Variants in MAP3K11 observed in about 807,000 individuals in gnomAD.
The protein encoded by MAP3K11 is mitogen-activated protein kinase kinase kinase 11, also known as SH3 domain-containing proline-rich kinase.
In MAP3K11, 46 loss-of-function variants were observed where a neutral mutation model predicts 84.9. The ratio of observed to expected loss-of-function variants is 0.54; its 90% CI spans 0.43 to 0.69. The LOEUF is 0.69. Ranked by LOEUF, MAP3K11 falls within the 30% of genes least tolerant of loss-of-function variation. The pLI is 0.00. For synonymous variants in MAP3K11, 527 were observed against 514.7 expected (o/e 1.02, Z -0.32); for missense variants, 1,053 against 1,198.3 (o/e 0.88, Z 1.79).
At chr11:65,605,921 G>A in intron 7 of MAP3K11, 25 bp downstream of exon 7, 1 of 1,608,304 alleles carries the variant, frequency 6.2e-7, no homozygotes, top group Non-Finnish European at 8.5e-7. Context: ...ATGATGCTGG[G>A]TCTGGGGGGC....
At chr11:65,602,028 C>A (rs1854461638) in intron 8 of MAP3K11, among the ~76,000 whole-genome samples, 1 of 150,270 alleles carries the variant, frequency 6.7e-6, no homozygotes, top group Non-Finnish European at 1.5e-5. Flanking sequence ...ATGGTGAAAC[C>A]CTGTCTCTAC....
intron 8 of MAP3K11, among the ~76,000 whole-genome samples, chr11:65,601,041 C>T (rs1854449833): frequency 6.6e-6 from 1 of 152,236 alleles, no homozygotes; most frequent in African/African-American, 2.4e-5. Flanking sequence ...CAGGTCTCTG[C>T]TTAAAAACTA....
chr11:65,603,682 G>T (rs982074317), intron 8 of MAP3K11, among the ~76,000 whole-genome samples: 1 of 152,266 alleles, frequency 6.6e-6, no homozygotes, highest in Non-Finnish European at 1.5e-5. Context: ...CAGATGATGC[G>T]TGGAGTGTGG....
rs1854525088 is a variant in MAP3K11 at position 65,607,491 on chromosome 11, T to C, written c.1268A>G (p.Glu423Gly). 1 of 1,573,584 alleles carries C rather than the reference T, an allele frequency of 6.4e-7. No homozygotes were observed. The highest frequency in any genetic ancestry group is 8.6e-7 in the Non-Finnish European group (1 of 1,168,566). ...KEKELLSREE[E>G]LTRAAREQRS... The stretch of plus-strand genomic sequence containing the variant: ...CTGCTCGCGCGCCGCTCGCGTCAGC[T>C]CCTCCTCGCGGCTCAGTAGTTCCTG... The change falls in exon 5 of 10, where the codon GAG becomes GGG. Residue 423 changes from glutamate to glycine, a missense_variant. Transcript: ENST00000309100.
intron 9 of MAP3K11, 102 bp downstream of exon 9, chr11:65,599,292 T>C: frequency 1.5e-6 from 2 of 1,350,962 alleles, no homozygotes; most frequent in Non-Finnish European, 1.9e-6. Context: ...CTGATGACTG[T>C]GGTCTCGGCC....
At chr11:65,608,123 CCTTA>C in intron 2 of MAP3K11, 53 bp from the exon 3 acceptor site, 1 of 1,602,092 alleles carries the variant, frequency 6.2e-7, no homozygotes, top group South Asian at 1.1e-5. Context: ...ACCCCCACCC[CCTTA>C]CTGCCACTTC....
chr11:65,606,763 C>G lies in MAP3K11; in HGVS notation c.1531G>C (p.Asp511His), dbSNP rs754046278. 6 of 1,607,480 alleles carry G rather than the reference C, an allele frequency of 3.7e-6. No homozygotes were observed. In the Admixed American group the frequency reaches 8.4e-5, roughly 23 times the overall value. ...ACCTCGAAGACGTTTCTCCTCCGGT[C>G]AAGGCCGGGTGAGGCCTGCACGGTG... ...RITVQASPGLDRRRNVFEVGP... is the reference protein window; with the variant it reads ...RITVQASPGLHRRRNVFEVGP... The change falls in exon 6 of 10, where the codon GAC becomes CAC. Residue 511 changes from aspartate (D) to histidine (H), a missense_variant. Coordinates refer to ENST00000309100, the MANE Select transcript of MAP3K11 (RefSeq NM_002419.4).
chr11:65,607,682 C>A lies in MAP3K11; in HGVS notation c.1204G>T (p.Glu402Ter). 1 of 1,613,152 alleles carries A rather than the reference C, an allele frequency of 6.2e-7. No individual in the cohort carries two copies. The highest frequency in any genetic ancestry group is 1.1e-5 in the South Asian group (1 of 91,064). The change falls in exon 4 of 10, where the codon GAG (glutamate) becomes TAG (stop). Residue 402 changes from glutamate (E) to a stop codon, truncating the protein, a stop_gained. Coordinates refer to ENST00000309100, the MANE Select transcript of MAP3K11 (RefSeq NM_002419.4). LOFTEE classifies it high-confidence loss of function. ...FHSMQEGWKR[E>*]IQGLFDELRA... The stretch of plus-strand genomic sequence containing the variant: ...AGCTCGTCGAAGAGACCCTGGATCT[C>A]GCGCTTCCAGCCTTCCTGCATGGAA...
At chr11:65,600,949 C>T (rs1854448835) in intron 8 of MAP3K11, among the ~76,000 whole-genome samples, 2 of 152,230 alleles carry the variant, frequency 1.3e-5, no homozygotes, top group Admixed American at 6.5e-5. Flanking sequence ...GACTCTCTGC[C>T]TCTTACCTCA....
chr11:65,599,362 T>C (rs777793376), intron 9 of MAP3K11, 32 bp downstream of exon 9: 21 of 1,527,578 alleles, frequency 1.4e-5, no homozygotes, highest in Non-Finnish European at 1.7e-5. Context: ...CCGTCTCCCA[T>C]ATGTGAAGCA....
At chr11:65,599,980 GAAGCGGCAGC>G (rs1854438476) in intron 8 of MAP3K11, among the ~76,000 whole-genome samples, 1 of 152,260 alleles carries the variant, frequency 6.6e-6, no homozygotes, top group South Asian at 2.1e-4. Context: ...GCAGGTGGAG[GAAGCGGCAGC>G]AAAGCCCAAT....
At position 65,613,509 on chromosome 11, in the gene MAP3K11, C is replaced by T; in HGVS notation, c.248G>A (p.Trp83Ter). The change falls in exon 1 of 10, where the codon TGG becomes TAG. Residue 83 changes from tryptophan to a stop codon, truncating the protein, a stop_gained. Coordinates refer to ENST00000309100, the MANE Select transcript of MAP3K11 (RefSeq NM_002419.4). LOFTEE classifies it high-confidence loss of function. ...RDAAISGDEG[W>*]WAGQVGGQVG... is the part of the protein sequence containing the mutation. Reference sequence around the variant, plus strand: ...CTGGCCACCCACCTGGCCCGCCCACCAGCCCTCGTCTCCTGAGATGGCTGC... The same window carrying T: ...CTGGCCACCCACCTGGCCCGCCCACTAGCCCTCGTCTCCTGAGATGGCTGC... 1 of 1,610,370 alleles carries T rather than the reference C, an allele frequency of 6.2e-7. No homozygotes were observed. The highest frequency in any genetic ancestry group is 8.5e-7 in the Non-Finnish European group (1 of 1,177,976).
intron 4 of MAP3K11, 58 bp from the exon 5 acceptor site, chr11:65,607,571 C>A (rs1590857040): frequency 6.4e-7 from 1 of 1,551,256 alleles, no homozygotes. Context: ...CGGCAGCGCC[C>A]GCCCCGACTC....
chr11:65,601,980 G>C (rs887048636), intron 8 of MAP3K11, among the ~76,000 whole-genome samples: 9 of 151,746 alleles, frequency 5.9e-5, no homozygotes, highest in Non-Finnish European at 1.0e-4. Flanking sequence ...AAGGTGGGCG[G>C]ATCACGAGGT....
At chr11:65,606,200 G>A (rs1854506177) in intron 6 of MAP3K11, 119 bp from the exon 7 acceptor site, 3 of 1,194,534 alleles carry the variant, frequency 2.5e-6, no homozygotes, top group African/African-American at 1.6e-5. Flanking sequence ...CCATTCCCAG[G>A]GTGAGCTTTG....
chr11:65,608,081 G>A lies in MAP3K11; in HGVS notation c.921-11C>T, dbSNP rs1435427144. ...AGCAGCACCCCAAAACTGTGGGCGA[G>A]ACAACAGGTCTGTGTTCCCTTTTCT... On this transcript the variant is annotated splice_polypyrimidine_tract_variant and intron_variant, in intron 2 of 9. Transcript: ENST00000309100. 1 of 1,613,648 alleles carries A rather than the reference G, an allele frequency of 6.2e-7. No homozygotes were observed. The highest frequency in any genetic ancestry group is 1.7e-5 in the Admixed American group (1 of 60,012).
At chr11:65,606,936 G>C (rs1454688295) in intron 5 of MAP3K11, 132 bp from the exon 6 acceptor site, 6 of 623,598 alleles carry the variant, frequency 9.6e-6, no homozygotes, top group Non-Finnish European at 1.7e-5. Context: ...ACTGTGACCA[G>C]CCTCACTGCT....
chr11:65,610,306 C>T (rs1854558810), intron 1 of MAP3K11: 1 of 152,234 alleles, frequency 6.6e-6, no homozygotes. Flanking sequence ...GAGCTGAGTC[C>T]TGAACACTTC....
In MAP3K11 at chr11:65,605,830, C is replaced by T. The variant is rs775506696; in HGVS notation, c.1762G>A (p.Ala588Thr). 3 of 1,613,126 alleles carry T rather than the reference C, an allele frequency of 1.9e-6. No homozygotes were observed. Among genetic ancestry groups the T allele is most frequent in the Admixed American group, 1.7e-5 (1 of 59,880 alleles). Residue 588 changes from alanine (A) to threonine (T), a missense_variant, in exon 8 of 10, where the codon GCC becomes ACC. Coordinates refer to ENST00000309100, the MANE Select transcript of MAP3K11 (RefSeq NM_002419.4). ...NGRRRSRMDE[A>T]TWYLDSDDSS... The stretch of plus-strand genomic sequence containing the variant: ...TCATCTGAATCCAGGTACCATGTGG[C>T]TTCGTCCATGCGGGACCTTCTCCTG...
Sources: gnomAD v4.1 joint callset for allele counts (sites outside exome capture counted in the v4.1 genomes callset) on GRCh38, gnomAD v4.1.1 for gene constraint, MANE v1.5 for transcripts, NCBI Gene and HGNC (gene_info 2026-07-23, HGNC 2026-07-21) for gene names.